GNB4: variants seen among roughly 807,000 people sequenced by gnomAD.
GNB4 encodes the protein guanine nucleotide-binding protein subunit beta-4.
A neutral mutation model predicts 45.2 loss-of-function variants in GNB4; 28 were observed. That is an observed-to-expected ratio of 0.62 (90% CI 0.46 to 0.85). The LOEUF is 0.85. Ranked by LOEUF, GNB4 falls within the 40% of genes least tolerant of loss-of-function variation. The pLI, the probability that GNB4 is intolerant of heterozygous loss-of-function variation, is 0.00. For synonymous variants in GNB4, 132 were observed against 143.7 expected (o/e 0.92, Z 0.58); for missense variants, 321 against 425.4 (o/e 0.75, Z 2.16).
chr3:179,508,932 G>GTATATATATA, the GNB4 span, among the ~76,000 whole-genome samples: 16,421 of 101,826 alleles, frequency 0.16, 1,605 homozygotes, highest in African/African-American at 0.19. Context: ...TTCAGCATGT[G>GTATATATATA]TATATATATA....
At chr3:179,473,988 T>C in the GNB4 span, among the ~76,000 whole-genome samples, 56 of 152,300 alleles carry the variant, frequency 3.7e-4, no homozygotes, top group Admixed American at 2.9e-3. Context: ...CTGTCCTTTT[T>C]GATTTGTTTG....
the GNB4 span, among the ~76,000 whole-genome samples, chr3:179,504,776 C>A: frequency 6.6e-6 from 1 of 152,164 alleles, no homozygotes; most frequent in Non-Finnish European, 1.5e-5. Flanking sequence ...CCGGACACTG[C>A]AGTAGGTGGC....
the GNB4 span, among the ~76,000 whole-genome samples, chr3:179,468,031 T>TAAAAAAA: frequency 3.0e-5 from 2 of 67,284 alleles, no homozygotes; most frequent in African/African-American, 1.2e-4. Flanking sequence ...ATTTTGTTGA[T>TAAAAAAA]AAAAATATAT....
chr3:179,440,814 G>A (rs1200907244), intron 1 of GNB4, among the ~76,000 whole-genome samples: 1 of 151,762 alleles, frequency 6.6e-6, no homozygotes. Flanking sequence ...CATGTGTTAA[G>A]TATAGTGTTG....
At chr3:179,429,188 G>C (rs73045188) in intron 1 of GNB4, among the ~76,000 whole-genome samples, 3,022 of 152,284 alleles carry the variant, frequency 0.02, 101 homozygotes, top group African/African-American at 0.07. Flanking sequence ...ATAAGACAAT[G>C]TCTCCTCATG....
At chr3:179,403,797 C>CAAAA (rs541714857) in intron 9 of GNB4, among the ~76,000 whole-genome samples, 81 of 96,228 alleles carry the variant, frequency 8.4e-4, no homozygotes, top group Admixed American at 2.1e-3. Context: ...GACTCCGTCT[C>CAAAA]AAAAAAATAA....
chr3:179,407,339 G>C (rs1012076956), intron 8 of GNB4, among the ~76,000 whole-genome samples: 1 of 152,104 alleles, frequency 6.6e-6, no homozygotes, highest in Non-Finnish European at 1.5e-5. Flanking sequence ...GGTGCCTGTA[G>C]TCCCAGCTAC....
Position 179,401,141 on chromosome 3 carries a change from T to C in GNB4, c.*72A>G. On this transcript the variant is annotated 3_prime_UTR_variant, in exon 10 of 10. Coordinates refer to ENST00000232564, the MANE Select transcript of GNB4 (RefSeq NM_021629.4). Reference sequence around the variant, plus strand: ...TTCACCTGCAAATATAAGGTAGAATTTTTTCACAGCTATAGGCTGTAGCAT... The same window carrying C: ...TTCACCTGCAAATATAAGGTAGAATCTTTTCACAGCTATAGGCTGTAGCAT... 1.0e-6 allele frequency: 1 copy of C among 979,174 alleles called. No homozygotes were observed. The highest frequency in any genetic ancestry group is 2.2e-5 in the South Asian group (1 of 46,292). The allele number at this position is 979,174 out of a possible 1,614,324, so 60.7% of individuals were successfully genotyped here.
the GNB4 span, among the ~76,000 whole-genome samples, chr3:179,482,944 G>A: frequency 6.6e-6 from 1 of 152,118 alleles, no homozygotes; most frequent in African/African-American, 2.4e-5. Context: ...ATCATGATGG[G>A]TATGAGAAAT....
chr3:179,456,926 T>C, the GNB4 span, among the ~76,000 whole-genome samples: 2 of 152,204 alleles, frequency 1.3e-5, no homozygotes, highest in Non-Finnish European at 2.9e-5. Flanking sequence ...GTTTATCCAT[T>C]TGGCAAATAG....
chr3:179,513,249 T>A, the GNB4 span, among the ~76,000 whole-genome samples: 2 of 150,262 alleles, frequency 1.3e-5, no homozygotes, highest in Admixed American at 6.7e-5. Flanking sequence ...GGTAGTGTGA[T>A]CACTGCTCAC....
chr3:179,410,145 CTG>C (rs1220683436), intron 8 of GNB4, among the ~76,000 whole-genome samples: 3 of 152,216 alleles, frequency 2.0e-5, no homozygotes, highest in Admixed American at 6.5e-5. Flanking sequence ...CCATGCAGAA[CTG>C]TGAGTCTATT....
At chr3:179,429,353 C>G (rs1412991835) in intron 1 of GNB4, among the ~76,000 whole-genome samples, 1 of 152,202 alleles carries the variant, frequency 6.6e-6, no homozygotes, top group Non-Finnish European at 1.5e-5. Context: ...GGAATCAACA[C>G]AAAGCATCAT....
chr3:179,510,262 T>A, the GNB4 span, among the ~76,000 whole-genome samples: 2 of 152,194 alleles, frequency 1.3e-5, no homozygotes, highest in Non-Finnish European at 2.9e-5. Flanking sequence ...TTTCTATCAC[T>A]TGTCTTGCCA....
At chr3:179,450,573 G>C (rs1054217762) in intron 1 of GNB4, among the ~76,000 whole-genome samples, 2 of 152,182 alleles carry the variant, frequency 1.3e-5, no homozygotes, top group Non-Finnish European at 2.9e-5. Context: ...GAAAGAGAAA[G>C]GGAAGGAGTG....
chr3:179,458,242 G>C, the GNB4 span, among the ~76,000 whole-genome samples: 1 of 152,136 alleles, frequency 6.6e-6, no homozygotes, highest in Non-Finnish European at 1.5e-5. Context: ...GGGCAGGGGA[G>C]TTGCTCTACC....
chr3:179,501,527 G>T, the GNB4 span, among the ~76,000 whole-genome samples: 1 of 147,714 alleles, frequency 6.8e-6, no homozygotes, highest in South Asian at 2.1e-4. Flanking sequence ...ATTTTGTCGT[G>T]TTGCCCAGAG....
At position 179,396,759 on chromosome 3, in the gene GNB4, T is replaced by C. The variant is rs964244303; in HGVS notation, c.*4454A>G. 13 of 152,336 alleles carry C rather than the reference T, an allele frequency of 8.5e-5. No homozygotes were observed. The highest frequency in any genetic ancestry group is 3.1e-4 in the African/African-American group (13 of 41,580). 9.4% of individuals were successfully genotyped at this position (152,336 alleles called of 1,614,324 possible). A position where few individuals can be genotyped will look rare whatever the true frequency, so the allele number is the denominator to read the frequency against. On this transcript the variant is annotated 3_prime_UTR_variant, in exon 10 of 10. Transcript: ENST00000232564. ...AATGTGTGATTAATTAATAAGTTAC[T>C]TTTTAAAATAAAGTGCTAGCTTAGA...
At chr3:179,485,311 C>G in the GNB4 span, among the ~76,000 whole-genome samples, 1 of 151,928 alleles carries the variant, frequency 6.6e-6, no homozygotes, top group African/African-American at 2.4e-5. Flanking sequence ...TGCGCCCGGC[C>G]CATGGCAACT....
Sources: gnomAD v4.1 joint callset for allele counts (sites outside exome capture counted in the v4.1 genomes callset) on GRCh38, gnomAD v4.1.1 for gene constraint, MANE v1.5 for transcripts, NCBI Gene and HGNC (gene_info 2026-07-23, HGNC 2026-07-21) for gene names.